MORC3: variants seen among roughly 807,000 people sequenced by gnomAD.
MORC3 encodes MORC family CW-type zinc finger 3, also known as MORC family CW-type zinc finger protein 3.
MORC3 carries 31 observed loss-of-function variants against 109.1 expected under a neutral mutation model. The ratio of observed to expected loss-of-function variants is 0.28; its 90% CI spans 0.21 to 0.38. The LOEUF (loss-of-function observed/expected upper bound fraction) is 0.38. Ranked by LOEUF, MORC3 falls within the 10% of genes least tolerant of loss-of-function variation. The pLI, the probability that MORC3 is intolerant of heterozygous loss-of-function variation, is 1.00. For synonymous variants in MORC3, 395 were observed against 380.7 expected, an observed-to-expected ratio of 1.04 and a Z score of -0.44; for missense variants, 867 against 1,135.8, an observed-to-expected ratio of 0.76 and a Z score of 3.40.
chr21:36,332,552 G>A (rs1569090019), intron 1 of MORC3, among the ~76,000 whole-genome samples: 1 of 152,166 alleles, frequency 6.6e-6, no homozygotes, highest in Non-Finnish European at 1.5e-5. Context: ...TAGTTTAATT[G>A]GTTGCAGCTT....
chr21:36,349,486 TG>T, intron 9 of MORC3, 78 bp downstream of exon 9: 1 of 915,740 alleles, frequency 1.1e-6, no homozygotes, highest in Non-Finnish European at 1.6e-6. Flanking sequence ...CTCTATTTTC[TG>T]TGAATCTCAG....
intron 1 of MORC3, among the ~76,000 whole-genome samples, chr21:36,330,542 T>A (rs117277640): frequency 0.025 from 3,762 of 152,280 alleles, 65 homozygotes; most frequent in Admixed American, 0.046. Context: ...ACCAGGCTGC[T>A]CCCCGACCAC....
At chr21:36,331,587 G>A (rs1437146594) in intron 1 of MORC3, among the ~76,000 whole-genome samples, 1 of 148,674 alleles carries the variant, frequency 6.7e-6, no homozygotes, top group Non-Finnish European at 1.5e-5. Context: ...GGGCAGCAGA[G>A]CGAGACTCCA....
At chr21:36,352,474 C>T (rs895979795) in intron 9 of MORC3, among the ~76,000 whole-genome samples, 6 of 151,986 alleles carry the variant, frequency 3.9e-5, no homozygotes, top group Non-Finnish European at 7.4e-5. Context: ...TCTTTGAGAC[C>T]GGAAGTGTTT....
intron 9 of MORC3, among the ~76,000 whole-genome samples, chr21:36,352,780 G>A (rs965470231): frequency 6.6e-6 from 1 of 152,048 alleles, no homozygotes; most frequent in African/African-American, 2.4e-5. Context: ...TTAAGAGCCT[G>A]CTGTTGAATG....
At chr21:36,344,357 A>G (rs1487690404) in intron 6 of MORC3, among the ~76,000 whole-genome samples, 1 of 152,210 alleles carries the variant, frequency 6.6e-6, no homozygotes, top group African/African-American at 2.4e-5. Flanking sequence ...TATATAGATC[A>G]GTTGATTGTA....
chr21:36,344,545 G>A, intron 6 of MORC3, 34 bp from the exon 7 acceptor site: 1 of 1,604,688 alleles, frequency 6.2e-7, no homozygotes, highest in Non-Finnish European at 8.5e-7. Flanking sequence ...GAGCAAACCT[G>A]TAGATACTAA....
intron 1 of MORC3, among the ~76,000 whole-genome samples, chr21:36,329,826 A>C (rs1450156762): frequency 6.6e-6 from 1 of 151,836 alleles, no homozygotes; most frequent in Admixed American, 6.6e-5. Context: ...TGTGTAGAGA[A>C]TCCTCTTTTC....
chr21:36,344,919 C>T lies in MORC3; in HGVS notation c.893C>T (p.Thr298Ile). The T allele has an allele frequency of 6.2e-7, 1 of 1,611,396 alleles. No homozygotes were observed. Among genetic ancestry groups the T allele is most frequent in the Non-Finnish European group, 8.5e-7 (1 of 1,179,218 alleles). Residue 298 changes from threonine to isoleucine, a missense_variant, in exon 8 of 17, where the codon ACA (threonine) becomes ATA (isoleucine). By Grantham distance (89) the Thr-to-Ile change is moderately conservative. Around this residue, in one of 7 missense-constraint regions of MORC3, gnomAD observed 120 missense variants for 259.7 expected, o/e 0.46. Transcript: ENST00000400485. ...TTACCTTAATATTTTAAGTCTAAAA[C>T]AGTGAGAATTACCTTTGGATTCAAC... ...DVYRPKFLSKTVRITFGFNCR... is the reference protein window; with the variant it reads ...DVYRPKFLSKIVRITFGFNCR...
At chr21:36,364,318 A>G (rs2085753966) in intron 14 of MORC3, 59 bp downstream of exon 14, 1 of 1,526,740 alleles carries the variant, frequency 6.5e-7, no homozygotes. Context: ...TTTACTTGAC[A>G]CTTCTGTGAC....
In MORC3 at chr21:36,356,741, A is replaced by G; in HGVS notation, c.1208+17A>G. 7.0e-7 allele frequency: 1 copy of G among 1,432,650 alleles called. No homozygotes were observed. The highest frequency in any genetic ancestry group is 9.7e-7 in the Non-Finnish European group (1 of 1,035,608). The allele number at this position is 1,432,650 out of a possible 1,614,324, so 88.7% of individuals were successfully genotyped here. A position where few individuals can be genotyped will look rare whatever the true frequency, so the allele number is the denominator to read the frequency against. On this transcript the variant is annotated intron_variant, in intron 10 of 16. Transcript: ENST00000400485. ...AGATATACAGTAAGTACATTTTTAA[A>G]ACATATCATTTCACTTAGATATCAA...
chr21:36,343,097 T>TTTG (rs2085468709), intron 6 of MORC3, among the ~76,000 whole-genome samples: 1 of 152,012 alleles, frequency 6.6e-6, no homozygotes, highest in African/African-American at 2.4e-5. Flanking sequence ...ATCAAGGTTT[T>TTTG]TTTGTTTGTT....
At position 36,369,173 on chromosome 21, in the gene MORC3, A is replaced by T; in HGVS notation, c.1805A>T (p.His602Leu). Reference sequence around the variant, plus strand: ...ATTGACATGAAATCAGAACAGAGTCACGTTGAGCAAGGTGGTGTTCAGGTT... The same window carrying T: ...ATTGACATGAAATCAGAACAGAGTCTCGTTGAGCAAGGTGGTGTTCAGGTT... ...HDIDMKSEQS[H>L]VEQGGVQVEF... The change falls in exon 15 of 17, where the codon CAC (histidine) becomes CTC (leucine). Residue 602 changes from histidine (H) to leucine (L), a missense_variant. By Grantham distance (99) the His-to-Leu change is moderately conservative (BLOSUM62 -3). Transcript: ENST00000400485. 6.2e-7 allele frequency: 1 copy of T among 1,614,196 alleles called. No individual in the cohort carries two copies.
chr21:36,373,977 A>G (rs1247899482), intron 16 of MORC3, among the ~76,000 whole-genome samples: 2 of 152,200 alleles, frequency 1.3e-5, no homozygotes, highest in Non-Finnish European at 2.9e-5. Context: ...ATAAACTTGG[A>G]AGGCATAATT....
At chr21:36,355,891 A>G (rs2085639738) in intron 9 of MORC3, among the ~76,000 whole-genome samples, 1 of 152,098 alleles carries the variant, frequency 6.6e-6, no homozygotes, top group Admixed American at 6.6e-5. Flanking sequence ...ACTTTTTCTT[A>G]TATTATGACT....
intron 14 of MORC3, among the ~76,000 whole-genome samples, chr21:36,366,679 T>G (rs1439218397): frequency 1.3e-5 from 2 of 152,152 alleles, no homozygotes; most frequent in African/African-American, 2.4e-5. Context: ...GGTCTCAAAC[T>G]CCTAAGCTCA....
intron 14 of MORC3, among the ~76,000 whole-genome samples, chr21:36,365,420 A>G (rs1299008404): frequency 6.6e-6 from 1 of 152,196 alleles, no homozygotes; most frequent in Non-Finnish European, 1.5e-5. Context: ...GAACATTGAA[A>G]CAAGCTTCTC....
rs1023103277 is a variant in MORC3 at position 36,369,425 on chromosome 21, A to G, written c.2057A>G (p.Asp686Gly). 1 of 1,614,134 alleles carries G rather than the reference A, an allele frequency of 6.2e-7. No homozygotes were observed. Among genetic ancestry groups the G allele is most frequent in the African/African-American group, 1.3e-5 (1 of 74,952 alleles). ...AKIHETQETT[D>G]KSADDAGCQL... The stretch of plus-strand genomic sequence containing the variant: ...ATACATGAAACCCAGGAAACCACCG[A>G]TAAATCTGCAGATGATGCAGGCTGC... The change falls in exon 15 of 17, where the codon GAT becomes GGT. Residue 686 changes from aspartate (D) to glycine (G), a missense_variant. Coordinates refer to ENST00000400485, the MANE Select transcript of MORC3 (RefSeq NM_015358.3).
At chr21:36,362,872 G>A (rs1001512155) in intron 13 of MORC3, among the ~76,000 whole-genome samples, 2 of 152,026 alleles carry the variant, frequency 1.3e-5, no homozygotes, top group East Asian at 1.9e-4. Context: ...GTTTAGTTGG[G>A]TATCTTCTGA....
Sources: allele counts gnomAD v4.1 joint callset (sites outside exome capture counted in the v4.1 genomes callset), GRCh38; gene constraint gnomAD v4.1.1; regional missense constraint gnomAD v4.1.1; transcripts MANE v1.5; gene names NCBI Gene and HGNC (gene_info 2026-07-23, HGNC 2026-07-21).